The following TSPAN9 variants were observed in gnomAD, a reference collection of about 807,000 sequenced individuals.
TSPAN9 encodes tetraspanin 9, also known as tetraspanin-9.
Under a neutral mutation model 31.0 loss-of-function variants are expected in TSPAN9, and 16 were observed. The ratio of observed to expected loss-of-function variants is 0.52; its 90% CI spans 0.35 to 0.78. The LOEUF (loss-of-function observed/expected upper bound fraction) is 0.78. Ranked by LOEUF, TSPAN9 falls within the 30% of genes least tolerant of loss-of-function variation. The probability of loss-of-function intolerance (pLI) is 0.01; values close to 1 mark genes in which losing one functional copy is unlikely to be tolerated. For missense variants in TSPAN9, 272 were observed against 312.5 expected (o/e 0.87, Z 0.98); for synonymous variants, 145 against 121.6 (o/e 1.19, Z -1.27).
At chr12:3,227,902 G>T (rs1376054062) in intron 3 of TSPAN9, among the ~76,000 whole-genome samples, 2 of 152,182 alleles carry the variant, frequency 1.3e-5, no homozygotes, top group Non-Finnish European at 2.9e-5. Flanking sequence ...ACGATGACTG[G>T]TGTTCATGGG....
At chr12:3,194,549 G>A (rs978281696) in intron 2 of TSPAN9, among the ~76,000 whole-genome samples, 1 of 152,062 alleles carries the variant, frequency 6.6e-6, no homozygotes, top group Non-Finnish European at 1.5e-5. Flanking sequence ...ACCACACCCA[G>A]CTAATTTTTG....
Position 3,168,556 on chromosome 12 carries a change from GACTT to G in TSPAN9, c.-17-32616_-17-32613del, listed in dbSNP as rs772081104. Among the ~76,000 whole-genome samples, 4 of 152,140 alleles carry G rather than the reference GACTT, an allele frequency of 2.6e-5. No individual in the cohort carries two copies. Among genetic ancestry groups the G allele is most frequent in the East Asian group, 1.9e-4 (1 of 5,190 alleles). ...CAGAGCTGGGGGGCGGTGGGGAGCTGACTTACTTTCTCTTTGCCCCCCTCTATTT... is the reference window on the plus strand; with the variant it reads ...CAGAGCTGGGGGGCGGTGGGGAGCTGACTTTCTCTTTGCCCCCCTCTATTT... On this transcript the variant is annotated intron_variant, in intron 2 of 8. Transcript: ENST00000011898. The surrounding 1 kb of genome is among the most constrained non-coding windows in gnomAD (Gnocchi z 4.0).
chr12:3,194,354 G>A (rs2098366048), intron 2 of TSPAN9, among the ~76,000 whole-genome samples: 1 of 152,168 alleles, frequency 6.6e-6, no homozygotes, highest in African/African-American at 2.4e-5. Flanking sequence ...CCCTCTGTCT[G>A]TGAACTTTCC....
At chr12:3,093,604 C>T (rs544537373) in intron 2 of TSPAN9, among the ~76,000 whole-genome samples, 6 of 152,096 alleles carry the variant, frequency 3.9e-5, no homozygotes, top group Non-Finnish European at 8.8e-5. Flanking sequence ...TAGAAGAGTG[C>T]CTGACACAGA....
chr12:3,115,263 C>A (rs1296925263), intron 2 of TSPAN9, among the ~76,000 whole-genome samples: 1 of 152,158 alleles, frequency 6.6e-6, no homozygotes, highest in African/African-American at 2.4e-5. Flanking sequence ...AATTCCATTC[C>A]TTTTTAGGGC....
intron 2 of TSPAN9, among the ~76,000 whole-genome samples, chr12:3,145,500 C>T (rs1011683814): frequency 2.6e-5 from 4 of 152,166 alleles, no homozygotes; most frequent in African/African-American, 9.7e-5. Flanking sequence ...GCACCCACCT[C>T]AGTACATCTT....
At chr12:3,118,865 G>C (rs2098323802) in intron 2 of TSPAN9, among the ~76,000 whole-genome samples, 1 of 152,180 alleles carries the variant, frequency 6.6e-6, no homozygotes, top group South Asian at 2.1e-4. Flanking sequence ...GATGTGATGA[G>C]GGTCAGGTGA....
At chr12:3,125,899 A>G (rs1591638762) in intron 2 of TSPAN9, among the ~76,000 whole-genome samples, 1 of 152,186 alleles carries the variant, frequency 6.6e-6, no homozygotes, top group Non-Finnish European at 1.5e-5. Context: ...ACGAGGACTC[A>G]GCACATCGCC....
At chr12:3,155,612 A>T (rs943043957) in intron 2 of TSPAN9, among the ~76,000 whole-genome samples, 2 of 151,162 alleles carry the variant, frequency 1.3e-5, no homozygotes, top group East Asian at 3.9e-4. Context: ...AAAAAAAATA[A>T]AGAGGGAGCG....
intron 2 of TSPAN9, among the ~76,000 whole-genome samples, chr12:3,109,157 C>G (rs566098615): frequency 5.9e-5 from 9 of 151,752 alleles, no homozygotes; most frequent in Admixed American, 2.6e-4. Flanking sequence ...AGGATGGTCT[C>G]GATCTCCTGA....
intron 2 of TSPAN9, among the ~76,000 whole-genome samples, chr12:3,131,580 G>A (rs937829514): frequency 2.0e-5 from 3 of 152,148 alleles, no homozygotes; most frequent in African/African-American, 4.8e-5. Context: ...ACCGTGGCAG[G>A]TGTGCAGGGA....
At chr12:3,282,993 C>T in intron 8 of TSPAN9, 52 bp from the exon 9 acceptor site, 1 of 1,588,504 alleles carries the variant, frequency 6.3e-7, no homozygotes. Context: ...GGGCTGAGGT[C>T]AGGTCCAGGC....
chr12:3,264,557 T>TG lies in TSPAN9; in HGVS notation c.64-13862dup, dbSNP rs1862508154. Reference sequence around the variant, plus strand: ...GGGCAGACGCTGCTGCAGGCCTGGGTGGACAGGGCTCGGAGAGGCCCAGGA... The same window carrying TG: ...GGGCAGACGCTGCTGCAGGCCTGGGTGGGACAGGGCTCGGAGAGGCCCAGGA... On this transcript the variant is annotated intron_variant, in intron 3 of 8. Coordinates refer to ENST00000011898, the MANE Select transcript of TSPAN9 (RefSeq NM_006675.5). Among the ~76,000 whole-genome samples, 4 of 152,038 alleles carry TG rather than the reference T, an allele frequency of 2.6e-5. No individual in the cohort carries two copies. The South Asian group carries it at 8.3e-4, about 32-fold the overall frequency.
intron 2 of TSPAN9, among the ~76,000 whole-genome samples, chr12:3,119,736 A>G (rs2098324209): frequency 6.6e-6 from 1 of 152,172 alleles, no homozygotes; most frequent in African/African-American, 2.4e-5. Context: ...AGCCATTGGC[A>G]GGTGAGAGAA....
At chr12:3,152,872 G>A (rs1024284880) in intron 2 of TSPAN9, among the ~76,000 whole-genome samples, 1 of 152,250 alleles carries the variant, frequency 6.6e-6, no homozygotes, top group Admixed American at 6.5e-5. Flanking sequence ...ACAGGTGTGA[G>A]CCACCACGCC....
At position 3,201,276 on chromosome 12, in the gene TSPAN9, T is replaced by C; in HGVS notation, c.63+20T>C. The C allele has an allele frequency of 6.2e-7, 1 of 1,610,840 alleles. No homozygotes were observed. Among genetic ancestry groups the C allele is most frequent in the South Asian group, 1.1e-5 (1 of 91,016 alleles). ...TTCTGGGTAAGTCCTTCCGTTTCTCTCTCCCTTCGCCCTCTTCTCCTCCTC... is the reference window on the plus strand; with the variant it reads ...TTCTGGGTAAGTCCTTCCGTTTCTCCCTCCCTTCGCCCTCTTCTCCTCCTC... On this transcript the variant is annotated intron_variant, in intron 3 of 8. Transcript: ENST00000011898.
chr12:3,086,697 C>A (rs1335238663), intron 2 of TSPAN9, among the ~76,000 whole-genome samples: 1 of 152,204 alleles, frequency 6.6e-6, no homozygotes, highest in African/African-American at 2.4e-5. Flanking sequence ...TTGGTGAGGC[C>A]TTGGCCTTGG....
chr12:3,241,110 G>A (rs3782800), intron 3 of TSPAN9, among the ~76,000 whole-genome samples: 15,917 of 152,194 alleles, frequency 0.1, 908 homozygotes, highest in Middle Eastern at 0.15. Flanking sequence ...CCTCTGGCCC[G>A]TAACTGCAGC....
chr12:3,130,971 A>G (rs1047437115), intron 2 of TSPAN9, among the ~76,000 whole-genome samples: 5 of 152,324 alleles, frequency 3.3e-5, no homozygotes, highest in African/African-American at 1.2e-4. Flanking sequence ...TTTCAAGGGC[A>G]GAACCTTCAA....
Sources: allele counts gnomAD v4.1 joint callset (sites outside exome capture counted in the v4.1 genomes callset), GRCh38; gene constraint gnomAD v4.1.1; non-coding constraint Gnocchi (gnomAD v3.1); transcripts MANE v1.5; gene names NCBI Gene and HGNC (gene_info 2026-07-23, HGNC 2026-07-21).